OR9Q1: variants seen among roughly 807,000 people sequenced by gnomAD.
OR9Q1 encodes the protein olfactory receptor family 9 subfamily Q member 1, also known as olfactory receptor 9Q1.
For missense variants in OR9Q1, 374 were observed against 378.8 expected, an observed-to-expected ratio of 0.99 and a Z score of 0.11; for synonymous variants, 153 against 148.6, an observed-to-expected ratio of 1.03 and a Z score of -0.22.
At chr11:58,163,333 C>A (rs1277361541) in intron 2 of OR9Q1, among the ~76,000 whole-genome samples, 1 of 152,182 alleles carries the variant, frequency 6.6e-6, no homozygotes, top group Non-Finnish European at 1.5e-5. Flanking sequence ...GGTCTCTAGA[C>A]CACCTTTCTT....
At chr11:58,080,384 C>T (rs1321812928) in intron 2 of OR9Q1, among the ~76,000 whole-genome samples, 3 of 152,072 alleles carry the variant, frequency 2.0e-5, no homozygotes, top group Non-Finnish European at 4.4e-5. Flanking sequence ...AAAAAATCCA[C>T]TTCACTGTTG....
chr11:58,094,647 T>A, intron 2 of OR9Q1, among the ~76,000 whole-genome samples: 1 of 152,222 alleles, frequency 6.6e-6, no homozygotes, highest in East Asian at 1.9e-4. Flanking sequence ...ATATGTTATA[T>A]GACTGTCACC....
intron 2 of OR9Q1, among the ~76,000 whole-genome samples, chr11:58,069,593 G>T (rs1337729030): frequency 1.3e-5 from 2 of 152,160 alleles, no homozygotes; most frequent in Non-Finnish European, 2.9e-5. Context: ...TTCTCCTCAG[G>T]CTGGGCGCCA....
At chr11:58,119,519 T>G (rs1320873423) in intron 2 of OR9Q1, 18 of 1,025,366 alleles carry the variant, frequency 1.8e-5, no homozygotes, top group Non-Finnish European at 2.6e-5. Context: ...ACAGAATCTT[T>G]CCCTCTATGG....
intron 2 of OR9Q1, chr11:58,119,432 T>C: frequency 6.2e-7 from 1 of 1,605,092 alleles, no homozygotes; most frequent in Non-Finnish European, 8.5e-7. Flanking sequence ...CTGGTGAGAT[T>C]ATTCTTGGCC....
chr11:58,128,361 T>C (rs917083606), intron 2 of OR9Q1, among the ~76,000 whole-genome samples: 1 of 151,224 alleles, frequency 6.6e-6, no homozygotes, highest in African/African-American at 2.4e-5. Context: ...GATGTAAGAA[T>C]TGGTAGATAC....
intron 2 of OR9Q1, among the ~76,000 whole-genome samples, chr11:58,065,649 T>A (rs1311636553): frequency 6.6e-6 from 1 of 152,150 alleles, no homozygotes; most frequent in Non-Finnish European, 1.5e-5. Context: ...TGAAGATACA[T>A]CTTGCCTCTC....
At chr11:58,108,939 G>A (rs964119336) in intron 2 of OR9Q1, 5 of 379,262 alleles carry the variant, frequency 1.3e-5, no homozygotes, top group Admixed American at 6.3e-5. Flanking sequence ...GATGGGAGGT[G>A]CAGGTGGAGA....
chr11:58,159,302 G>T (rs775571247), intron 2 of OR9Q1, among the ~76,000 whole-genome samples: 2 of 152,128 alleles, frequency 1.3e-5, no homozygotes, highest in Non-Finnish European at 2.9e-5. Context: ...AGATGTTAGG[G>T]GTCTTGGCTA....
chr11:58,050,710 G>A (rs1853266138), intron 1 of OR9Q1, among the ~76,000 whole-genome samples: 1 of 119,524 alleles, frequency 8.4e-6, no homozygotes, highest in African/African-American at 2.9e-5. Flanking sequence ...CTGACAAAGG[G>A]CTAACATCCA....
intron 2 of OR9Q1, among the ~76,000 whole-genome samples, chr11:58,107,647 A>T (rs117318174): frequency 1.4e-3 from 217 of 152,250 alleles, no homozygotes; most frequent in Non-Finnish European, 2.5e-3. Flanking sequence ...TCTCTGGGTC[A>T]GTTGGTATTT....
chr11:58,077,967 G>A (rs1853553567), intron 2 of OR9Q1: 1 of 152,104 alleles, frequency 6.6e-6, no homozygotes, highest in African/African-American at 2.4e-5. Flanking sequence ...GATCAGCCTG[G>A]TCAACATGGC....
chr11:58,110,359 C>T (rs896288031), intron 2 of OR9Q1, among the ~76,000 whole-genome samples: 1 of 152,132 alleles, frequency 6.6e-6, no homozygotes, highest in African/African-American at 2.4e-5. Context: ...CTTGTGAGCA[C>T]TTTCGTAATC....
chr11:58,093,480 A>G (rs546229110), intron 2 of OR9Q1, among the ~76,000 whole-genome samples: 11 of 152,312 alleles, frequency 7.2e-5, no homozygotes, highest in African/African-American at 2.4e-4. Flanking sequence ...ATATTGTCTC[A>G]TACCAGTCTG....
intron 1 of OR9Q1, 45 bp from the exon 2 acceptor site, chr11:58,055,825 A>T (rs1268384459): frequency 7.1e-6 from 1 of 141,690 alleles, no homozygotes; most frequent in Non-Finnish European, 1.5e-5. Context: ...GCTGGAGGCA[A>T]CTACTAACTT....
intron 2 of OR9Q1, among the ~76,000 whole-genome samples, chr11:58,101,946 A>T (rs1239054365): frequency 2.6e-5 from 4 of 151,968 alleles, no homozygotes; most frequent in Non-Finnish European, 1.5e-5. Context: ...GGGTTTCTTC[A>T]TGTTGGTGAG....
intron 2 of OR9Q1, among the ~76,000 whole-genome samples, chr11:58,092,993 T>A (rs11512825): frequency 0.13 from 19,728 of 152,190 alleles, 1,532 homozygotes; most frequent in South Asian, 0.2. Flanking sequence ...ATTTTTGTTT[T>A]TTTTTGTATC....
chr11:58,126,178 C>T lies in OR9Q1; in HGVS notation c.-14-53253C>T, dbSNP rs190641161. Among the ~76,000 whole-genome samples the T allele has an allele frequency of 9.7e-4, 147 of 152,324 alleles. 5 individuals are homozygous for T. The highest frequency in any genetic ancestry group is 9.2e-3 in the Admixed American group (141 of 15,294). On this transcript the variant is annotated intron_variant, in intron 2 of 2. Transcript: ENST00000335397. ...ATGGTCAACTCTCTAACCACTCCAG[C>T]TCTTGTCTCTTCCCTCGTCTCTGAA...
intron 2 of OR9Q1, among the ~76,000 whole-genome samples, chr11:58,126,640 C>A (rs1854093067): frequency 6.6e-6 from 1 of 152,130 alleles, no homozygotes; most frequent in South Asian, 2.1e-4. Context: ...AGAAATTCTA[C>A]CTTCCAATAC....
Sources: allele counts gnomAD v4.1 joint callset (sites outside exome capture counted in the v4.1 genomes callset), GRCh38; gene constraint gnomAD v4.1.1; transcripts MANE v1.5; gene names NCBI Gene and HGNC (gene_info 2026-07-23, HGNC 2026-07-21).